The following ERI1 variants were observed in gnomAD, a reference collection of about 807,000 sequenced individuals.
ERI1 encodes 3'-5' exoribonuclease 1.
ERI1 carries 39 observed loss-of-function variants against 39.7 expected under a neutral mutation model. The ratio of observed to expected loss-of-function variants is 0.98; its 90% CI spans 0.76 to 1.28. ERI1 has a LOEUF of 1.28. Among genes scored for constraint, ERI1 ranks in the 50% most tolerant of loss-of-function variants. The pLI, the probability that ERI1 is intolerant of heterozygous loss-of-function variation, is 0.00. For synonymous variants in ERI1, 204 were observed against 149.6 expected (o/e 1.36, Z -2.65); for missense variants, 581 against 416.9 (o/e 1.39, Z -3.43).
At chr8:9,043,595 ATAGT>A (rs1430779301) in intron 3 of ERI1, among the ~76,000 whole-genome samples, 3 of 152,244 alleles carry the variant, frequency 2.0e-5, no homozygotes, top group African/African-American at 7.2e-5. Context: ...TTTTAAATAG[ATAGT>A]TCTAGAAAAT....
At chr8:9,061,057 A>G (rs978492898) in intron 3 of ERI1, among the ~76,000 whole-genome samples, 2 of 152,208 alleles carry the variant, frequency 1.3e-5, no homozygotes, top group Non-Finnish European at 2.9e-5. Context: ...GCTTGAGTTA[A>G]GGCAACTAAT....
chr8:9,017,493 G>T (rs55745362), intron 4 of ERI1, among the ~76,000 whole-genome samples: 2 of 152,258 alleles, frequency 1.3e-5, no homozygotes, highest in African/African-American at 2.4e-5. Context: ...GTATATAGAC[G>T]TATGTCTGTG....
intron 3 of ERI1, among the ~76,000 whole-genome samples, chr8:9,040,752 C>A (rs1317376580): frequency 6.6e-6 from 1 of 150,826 alleles, no homozygotes; most frequent in Non-Finnish European, 1.5e-5. Flanking sequence ...TGTGTTAGTT[C>A]ACATTTGATA....
intron 3 of ERI1, among the ~76,000 whole-genome samples, chr8:9,044,792 C>T (rs1215245206): frequency 6.6e-6 from 1 of 152,104 alleles, no homozygotes; most frequent in Non-Finnish European, 1.5e-5. Flanking sequence ...TCTCCTTTTC[C>T]TCAATGTGCA....
chr8:9,013,872 T>C (rs564644843), intron 3 of ERI1, among the ~76,000 whole-genome samples: 1 of 152,238 alleles, frequency 6.6e-6, no homozygotes, highest in African/African-American at 2.4e-5. Context: ...TCAAAATATA[T>C]CCAGAACCCA....
At chr8:9,045,513 G>C (rs1375281951) in intron 3 of ERI1, among the ~76,000 whole-genome samples, 2 of 151,676 alleles carry the variant, frequency 1.3e-5, no homozygotes, top group Non-Finnish European at 2.9e-5. Flanking sequence ...CTGATGTATT[G>C]ACCCTGGGCA....
At chr8:9,070,020 C>T (rs770805148) in intron 3 of ERI1, among the ~76,000 whole-genome samples, 10 of 152,060 alleles carry the variant, frequency 6.6e-5, no homozygotes, top group Non-Finnish European at 1.2e-4. Flanking sequence ...GGGCGGATCA[C>T]CTGAGGTCAG....
chr8:9,027,570 C>T (rs1033802813), intron 6 of ERI1, among the ~76,000 whole-genome samples: 7 of 152,096 alleles, frequency 4.6e-5, no homozygotes, highest in African/African-American at 1.7e-4. Context: ...TGTCATAAAG[C>T]CTTTTCCATA....
At chr8:9,027,203 AGTG>A (rs1202581678) in intron 6 of ERI1, among the ~76,000 whole-genome samples, 5 of 146,662 alleles carry the variant, frequency 3.4e-5, no homozygotes. Context: ...ATGGGTGTGA[AGTG>A]GTATCTCATT....
chr8:9,079,791 C>T (rs897383970), intron 3 of ERI1, among the ~76,000 whole-genome samples: 1 of 152,106 alleles, frequency 6.6e-6, no homozygotes, highest in African/African-American at 2.4e-5. Flanking sequence ...CCACCTCAGC[C>T]TCTAGAGGAG....
intron 3 of ERI1, among the ~76,000 whole-genome samples, chr8:9,057,115 G>A (rs935196023): frequency 1.3e-5 from 2 of 151,848 alleles, no homozygotes; most frequent in African/African-American, 2.4e-5. Flanking sequence ...TTACAGGCCT[G>A]AGCCACCACA....
At chr8:9,035,262 C>T (rs140196272), downstream of ERI1, among the ~76,000 whole-genome samples, 97 of 152,278 alleles carry the variant, frequency 6.4e-4, no homozygotes, top group African/African-American at 2.2e-3. Flanking sequence ...AACAGGTTTT[C>T]AATGTAGATG....
At position 9,022,163 on chromosome 8, in the gene ERI1, T is replaced by C. The variant is rs565265548; in HGVS notation, c.807+1699T>C. 2.6e-5 allele frequency among the ~76,000 whole-genome samples: 4 copies of C among 152,338 alleles called. No homozygotes were observed. The East Asian group carries it at 7.7e-4, about 29-fold the overall frequency. On this transcript the variant is annotated intron_variant, in intron 6 of 6. Transcript: ENST00000250263. ...GTAAGTTTTTGCTAGCATCTGATAT[T>C]GTCATACATTTTAAATGTTTTGTAA... is the stretch of plus-strand genomic sequence containing the variant.
intron 3 of ERI1, among the ~76,000 whole-genome samples, chr8:9,052,095 T>G (rs111485134): frequency 6.6e-6 from 1 of 152,222 alleles, no homozygotes; most frequent in Non-Finnish European, 1.5e-5. Flanking sequence ...ATAATAACCC[T>G]TCAGTAAATG....
intron 3 of ERI1, among the ~76,000 whole-genome samples, chr8:9,090,047 C>T (rs1022507964): frequency 3.3e-5 from 5 of 152,162 alleles, no homozygotes; most frequent in Admixed American, 2.0e-4. Flanking sequence ...TCATCAGTCT[C>T]ATTGTGCCAT....
At chr8:9,049,393 G>A (rs537341325) in intron 3 of ERI1, among the ~76,000 whole-genome samples, 11 of 138,020 alleles carry the variant, frequency 8.0e-5, no homozygotes, top group Non-Finnish European at 1.4e-4. Context: ...AAAAATTAAT[G>A]GTGAAAAAAA....
intron 6 of ERI1, among the ~76,000 whole-genome samples, chr8:9,023,671 T>C (rs1818161338): frequency 6.8e-6 from 1 of 147,676 alleles, no homozygotes; most frequent in African/African-American, 2.4e-5. Flanking sequence ...GTTTTCCTTC[T>C]TTTTTTGTAC....
intron 1 of ERI1, among the ~76,000 whole-genome samples, chr8:9,005,683 T>G (rs1181380946): frequency 6.6e-6 from 1 of 151,770 alleles, no homozygotes; most frequent in Non-Finnish European, 1.5e-5. Context: ...ATTTTTTGTA[T>G]TTTTAGTAGA....
intron 3 of ERI1, 102 bp downstream of exon 3, chr8:9,011,854 T>C: frequency 3.7e-6 from 3 of 816,096 alleles, no homozygotes; most frequent in Non-Finnish European, 5.4e-6. Context: ...AGAATTAGAC[T>C]TCTAAAGTAA....
Sources: allele counts gnomAD v4.1 joint callset (sites outside exome capture counted in the v4.1 genomes callset), GRCh38; gene constraint gnomAD v4.1.1; transcripts MANE v1.5; gene names NCBI Gene and HGNC (gene_info 2026-07-23, HGNC 2026-07-21).